The following CNTN4 variants were observed in gnomAD, a reference collection of about 807,000 sequenced individuals.
CNTN4 encodes contactin 4.
Under a neutral mutation model 122.5 loss-of-function variants are expected in CNTN4, and 77 were observed. The observed-to-expected ratio is 0.63, with a 90% CI of 0.52 to 0.76. The LOEUF (loss-of-function observed/expected upper bound fraction) is 0.76. CNTN4 is among the 30% of genes least tolerant of loss of function. The probability of loss-of-function intolerance (pLI) is 0.00; values close to 1 mark genes in which losing one functional copy is unlikely to be tolerated. For synonymous variants in CNTN4, 512 were observed against 447.0 expected (o/e 1.15, Z -1.83); for missense variants, 1,256 against 1,259.1 (o/e 1.00, Z 0.04).
intron 3 of CNTN4, among the ~76,000 whole-genome samples, chr3:2,518,330 A>AT (rs1199662012): frequency 2.6e-5 from 4 of 151,884 alleles, no homozygotes; most frequent in East Asian, 1.9e-4. Context: ...TTATAATAGG[A>AT]TTTTTTTTCC....
chr3:2,402,383 C>A (rs1478983985), intron 3 of CNTN4, among the ~76,000 whole-genome samples: 1 of 152,072 alleles, frequency 6.6e-6, no homozygotes, highest in Non-Finnish European at 1.5e-5. Flanking sequence ...TTTCCTCCTC[C>A]ATCTCTGATT....
chr3:2,124,835 A>C (rs772004488), intron 2 of CNTN4, among the ~76,000 whole-genome samples: 7 of 152,254 alleles, frequency 4.6e-5, no homozygotes, highest in Non-Finnish European at 1.0e-4. Context: ...ACACAGATTT[A>C]ATGTATACAA....
chr3:2,354,234 A>G (rs2044771157), intron 3 of CNTN4, among the ~76,000 whole-genome samples: 1 of 151,994 alleles, frequency 6.6e-6, no homozygotes, highest in Non-Finnish European at 1.5e-5. Flanking sequence ...ACAGTTGAAT[A>G]AGAACTGTAT....
chr3:2,275,743 A>G (rs1042266337), intron 2 of CNTN4, among the ~76,000 whole-genome samples: 3 of 151,834 alleles, frequency 2.0e-5, no homozygotes, highest in African/African-American at 7.3e-5. Flanking sequence ...AACATGATGA[A>G]ACCCCGTTTC....
At chr3:2,317,871 G>A (rs1466663726) in intron 2 of CNTN4, among the ~76,000 whole-genome samples, 2 of 152,118 alleles carry the variant, frequency 1.3e-5, no homozygotes, top group Non-Finnish European at 2.9e-5. Flanking sequence ...GACTAACGTC[G>A]TTTGAAAGTG....
intron 9 of CNTN4, among the ~76,000 whole-genome samples, chr3:2,885,921 C>T (rs1420154404): frequency 1.3e-5 from 2 of 152,142 alleles, no homozygotes; most frequent in Non-Finnish European, 2.9e-5. Flanking sequence ...TACGGCTTCT[C>T]CTTCCTGGCG....
At chr3:3,007,216 G>A (rs752620154) in intron 14 of CNTN4, among the ~76,000 whole-genome samples, 72 of 152,340 alleles carry the variant, frequency 4.7e-4, no homozygotes, top group South Asian at 8.3e-4. Context: ...TCTGCAGCAC[G>A]TCTTGTTGTG....
Position 3,041,226 on chromosome 3 carries a change from C to T in CNTN4, c.2398+955C>T, listed in dbSNP as rs931208994. ...TATTCCCAATCAGAGAGATCATCCC[C>T]TTAGACTCAGTAGCCCTCCATGATC... On this transcript the variant is annotated intron_variant, in intron 20 of 24. Coordinates refer to ENST00000418658, the MANE Select transcript of CNTN4 (RefSeq NM_175607.3). 11 of 152,354 alleles carry T rather than the reference C, an allele frequency of 7.2e-5. 3 individuals carry two copies. Among genetic ancestry groups the T allele is most frequent in the Non-Finnish European group, 4.4e-5 (3 of 68,050 alleles). 9.4% of individuals were successfully genotyped at this position (152,354 alleles called of 1,614,324 possible).
At chr3:2,879,425 G>A (rs78503859) in intron 8 of CNTN4, among the ~76,000 whole-genome samples, 8 of 152,234 alleles carry the variant, frequency 5.3e-5, no homozygotes, top group Non-Finnish European at 7.4e-5. Context: ...GTAATGCTTT[G>A]TTAAAGCATC....
At chr3:2,382,114 A>G (rs2046047344) in intron 3 of CNTN4, among the ~76,000 whole-genome samples, 2 of 152,072 alleles carry the variant, frequency 1.3e-5, no homozygotes, top group African/African-American at 4.8e-5. Flanking sequence ...GCTTTATATA[A>G]AAAACATGGT....
At chr3:3,039,242 C>A (rs181457157) in intron 19 of CNTN4, 6 of 465,848 alleles carry the variant, frequency 1.3e-5, no homozygotes, top group Non-Finnish European at 2.3e-5. Flanking sequence ...GAAGGGAAGA[C>A]AACACACGTT....
At position 2,240,177 on chromosome 3, in the gene CNTN4, C is replaced by G. The variant is rs2039875122; in HGVS notation, c.-144-99001C>G. On this transcript the variant is annotated intron_variant, in intron 2 of 24. Coordinates refer to ENST00000418658, the MANE Select transcript of CNTN4 (RefSeq NM_175607.3). ...TATATTTTTAGTCTAGATAGTAAGT[C>G]CTGAATGCCCTTTACTCTGGCCATT... Among the ~76,000 whole-genome samples the G allele has an allele frequency of 2.0e-5, 3 of 152,190 alleles. 1 individual carries two copies. In the South Asian group the frequency reaches 6.2e-4, roughly 32 times the overall value.
chr3:2,896,693 T>C (rs913674261), intron 10 of CNTN4, among the ~76,000 whole-genome samples: 2 of 152,160 alleles, frequency 1.3e-5, no homozygotes, highest in African/African-American at 4.8e-5. Flanking sequence ...ATTCTGTCAA[T>C]TGCATAAGAA....
rs74890290 is a variant in CNTN4, at chr3:2,957,271, C to G, written c.1359-31074C>G. On this transcript the variant is annotated intron_variant, in intron 13 of 24. Coordinates refer to ENST00000418658, the MANE Select transcript of CNTN4 (RefSeq NM_175607.3). ...TCCTATCAGCAGTGTACAAGTGTTG[C>G]CTTTTTTCCACACCCTAGTCAATGC... Among the ~76,000 whole-genome samples, 999 of 152,202 alleles carry G rather than the reference C, an allele frequency of 6.6e-3. 7 individuals carry two copies. The highest frequency in any genetic ancestry group is 0.023 in the African/African-American group (961 of 41,536).
At chr3:2,732,637 T>A (rs2088780925) in intron 4 of CNTN4, among the ~76,000 whole-genome samples, 1 of 152,108 alleles carries the variant, frequency 6.6e-6, no homozygotes, top group African/African-American at 2.4e-5. Context: ...TAGGGATGCC[T>A]CTCCCCCTGT....
intron 2 of CNTN4, among the ~76,000 whole-genome samples, chr3:2,322,062 T>C (rs541503889): frequency 6.6e-6 from 1 of 152,204 alleles, no homozygotes; most frequent in Non-Finnish European, 1.5e-5. Flanking sequence ...TGTTCATACA[T>C]GAAAAAATTC....
intron 3 of CNTN4, among the ~76,000 whole-genome samples, chr3:2,468,696 A>C (rs955804537): frequency 6.6e-6 from 1 of 152,094 alleles, no homozygotes; most frequent in Non-Finnish European, 1.5e-5. Flanking sequence ...GCAGTGACCT[A>C]GGTTAATTTT....
intron 4 of CNTN4, among the ~76,000 whole-genome samples, chr3:2,576,370 G>A (rs755481762): frequency 6.6e-6 from 1 of 152,108 alleles, no homozygotes; most frequent in Non-Finnish European, 1.5e-5. Context: ...GTGCTTTGTA[G>A]TCACCCTGAT....
At chr3:2,752,861 G>A (rs116315437) in intron 6 of CNTN4, among the ~76,000 whole-genome samples, 183 of 152,212 alleles carry the variant, frequency 1.2e-3, no homozygotes, top group African/African-American at 4.3e-3. Flanking sequence ...ATACAATTGA[G>A]AATATGTGGC....
Sources: gnomAD v4.1 joint callset for allele counts (sites outside exome capture counted in the v4.1 genomes callset) on GRCh38, gnomAD v4.1.1 for gene constraint, MANE v1.5 for transcripts, NCBI Gene and HGNC (gene_info 2026-07-23, HGNC 2026-07-21) for gene names.